Variants in IMPG1 observed in about 807,000 individuals in gnomAD.
IMPG1 encodes the protein interphotoreceptor matrix proteoglycan of 150 kDa.
IMPG1 carries 85 observed loss-of-function variants against 92.0 expected under a neutral mutation model. That is an observed-to-expected ratio of 0.92 (90% CI 0.78 to 1.11). IMPG1 has a LOEUF of 1.11. Ranked by LOEUF, IMPG1 falls within the 50% of genes least tolerant of loss-of-function variation. The pLI is 0.00. For missense variants in IMPG1, 1,022 were observed against 956.0 expected (o/e 1.07, Z -0.91); for synonymous variants, 367 against 334.1 (o/e 1.10, Z -1.08).
chr6:75,946,453 T>C (rs879453909), intron 14 of IMPG1, among the ~76,000 whole-genome samples: 1 of 152,330 alleles, frequency 6.6e-6, no homozygotes. Context: ...AAGCTTTGTT[T>C]TGAATTTGAC....
At chr6:76,048,137 C>A in intron 1 of IMPG1, among the ~76,000 whole-genome samples, 1 of 152,174 alleles carries the variant, frequency 6.6e-6, no homozygotes, top group Admixed American at 6.6e-5. Context: ...ACTTGACAGG[C>A]AAAGCCATAA....
At chr6:76,031,455 A>G (rs1783651991) in intron 4 of IMPG1, among the ~76,000 whole-genome samples, 1 of 152,226 alleles carries the variant, frequency 6.6e-6, no homozygotes, top group African/African-American at 2.4e-5. Flanking sequence ...TCAGCCTGCC[A>G]CAGGCTCTGG....
intron 4 of IMPG1, among the ~76,000 whole-genome samples, chr6:76,029,191 T>C (rs1783610128): frequency 1.3e-5 from 2 of 152,274 alleles, no homozygotes; most frequent in South Asian, 4.1e-4. Flanking sequence ...GTCCAGGAGC[T>C]CCAAGTTTAT....
intron 1 of IMPG1, among the ~76,000 whole-genome samples, chr6:76,052,217 G>A (rs1223457974): frequency 2.0e-5 from 3 of 152,146 alleles, no homozygotes; most frequent in African/African-American, 7.2e-5. Context: ...GAGTGAAGAG[G>A]TAGGAGTCTA....
At chr6:75,995,829 A>T (rs1267003914) in intron 12 of IMPG1, among the ~76,000 whole-genome samples, 2 of 152,188 alleles carry the variant, frequency 1.3e-5, no homozygotes, top group East Asian at 1.9e-4. Context: ...TGCCTTACTG[A>T]ATTTACTGGT....
intron 1 of IMPG1, among the ~76,000 whole-genome samples, chr6:76,062,786 A>G (rs1188914819): frequency 6.6e-6 from 1 of 152,186 alleles, no homozygotes; most frequent in African/African-American, 2.4e-5. Context: ...GAAGATTAAC[A>G]TATATTCACA....
chr6:75,977,148 T>C (rs1489308052), intron 12 of IMPG1, among the ~76,000 whole-genome samples: 1 of 152,220 alleles, frequency 6.6e-6, no homozygotes, highest in African/African-American at 2.4e-5. Context: ...AGGACATCTG[T>C]GATAATATCA....
At chr6:75,953,154 A>G (rs944091289) in intron 12 of IMPG1, among the ~76,000 whole-genome samples, 2 of 152,218 alleles carry the variant, frequency 1.3e-5, no homozygotes, top group Non-Finnish European at 2.9e-5. Context: ...CTCTTTCACC[A>G]GCATTTCATT....
In IMPG1 at chr6:75,924,622, A is replaced by G. The variant is rs866902218; in HGVS notation, c.2244-916T>C. Among the ~76,000 whole-genome samples the G allele has an allele frequency of 5.4e-3, 159 of 29,516 alleles. 11 individuals carry two copies. Among genetic ancestry groups the G allele is most frequent in the African/African-American group, 0.017 (152 of 8,858 alleles). The allele number at this position is 29,516 out of a possible 152,430, so 19.4% of individuals were successfully genotyped here. A position where few individuals can be genotyped will look rare whatever the true frequency, so the allele number is the denominator to read the frequency against. On this transcript the variant is annotated intron_variant, in intron 15 of 16. Transcript: ENST00000369950. ...ATATAATTAATTATATATAATATATAATAAATTATATATTATATATAATTA... is the reference window on the plus strand; with the variant it reads ...ATATAATTAATTATATATAATATATGATAAATTATATATTATATATAATTA...
chr6:75,965,510 C>T (rs1261607019), intron 12 of IMPG1, among the ~76,000 whole-genome samples: 2 of 151,912 alleles, frequency 1.3e-5, no homozygotes, highest in African/African-American at 2.4e-5. Flanking sequence ...AAATGTCCCT[C>T]CCTATTTGGT....
At chr6:75,981,180 T>G (rs1318223298) in intron 12 of IMPG1, among the ~76,000 whole-genome samples, 1 of 152,204 alleles carries the variant, frequency 6.6e-6, no homozygotes, top group East Asian at 1.9e-4. Flanking sequence ...TCATTATAGA[T>G]AGTCTGCTGG....
intron 1 of IMPG1, among the ~76,000 whole-genome samples, chr6:76,066,682 G>T (rs1411075809): frequency 6.6e-6 from 1 of 151,984 alleles, no homozygotes; most frequent in Admixed American, 6.6e-5. Context: ...GACTTAAATT[G>T]TATTGTAGAC....
At chr6:75,935,904 A>G (rs1299239684) in intron 14 of IMPG1, among the ~76,000 whole-genome samples, 1 of 152,190 alleles carries the variant, frequency 6.6e-6, no homozygotes, top group Non-Finnish European at 1.5e-5. Flanking sequence ...TCTCTTCTCA[A>G]TGTGTGAACA....
chr6:75,936,382 T>C (rs996436634), intron 14 of IMPG1, among the ~76,000 whole-genome samples: 1 of 152,266 alleles, frequency 6.6e-6, no homozygotes, highest in African/African-American at 2.4e-5. Flanking sequence ...TGTTGATCGC[T>C]TATTTTATTG....
chr6:76,007,780 C>T (rs530848201), intron 8 of IMPG1, among the ~76,000 whole-genome samples: 4 of 152,234 alleles, frequency 2.6e-5, no homozygotes, highest in East Asian at 1.9e-4. Context: ...TGGTCTTCTT[C>T]TTACATTCCT....
At chr6:76,032,649 A>G (rs1783670711) in intron 4 of IMPG1, among the ~76,000 whole-genome samples, 1 of 152,194 alleles carries the variant, frequency 6.6e-6, no homozygotes, top group Non-Finnish European at 1.5e-5. Context: ...ACAAAGTTCA[A>G]AGCAGGAAGA....
chr6:76,034,242 T>C, intron 4 of IMPG1, 73 bp downstream of exon 4: 13 of 1,395,690 alleles, frequency 9.3e-6, no homozygotes, highest in Non-Finnish European at 1.3e-5. Context: ...GTAGAATAGC[T>C]TAGTTTCACT....
At chr6:76,013,157 C>T (rs1296154519) in intron 7 of IMPG1, among the ~76,000 whole-genome samples, 2 of 152,080 alleles carry the variant, frequency 1.3e-5, no homozygotes, top group South Asian at 2.1e-4. Context: ...TACATTTATT[C>T]TGAAGTTAAT....
In IMPG1 at chr6:76,018,715, C is replaced by T. The variant is rs751760840; in HGVS notation, c.807+3G>A. 3 of 1,612,796 alleles carry T rather than the reference C, an allele frequency of 1.9e-6. No homozygotes were observed. Among genetic ancestry groups the T allele is most frequent in the African/African-American group, 1.3e-5 (1 of 74,886 alleles). ...TGTGGTTGTATGGGCCGGGTCTACT[C>T]ACCTGAAGTTGGGACTTTCCTGCTA... On this transcript the variant is annotated splice_donor_region_variant and intron_variant, in intron 7 of 16. Coordinates refer to ENST00000369950, the MANE Select transcript of IMPG1 (RefSeq NM_001563.4).
Sources: allele counts gnomAD v4.1 joint callset (sites outside exome capture counted in the v4.1 genomes callset), GRCh38; gene constraint gnomAD v4.1.1; transcripts MANE v1.5; gene names NCBI Gene and HGNC (gene_info 2026-07-23, HGNC 2026-07-21).